Variants in AVEN observed in about 807,000 individuals in gnomAD.
AVEN encodes the protein apoptosis and caspase activation inhibitor.
Under a neutral mutation model 38.1 loss-of-function variants are expected in AVEN, and 41 were observed. That is an observed-to-expected ratio of 1.08 (90% CI 0.84 to 1.40). The LOEUF is 1.40. AVEN is among the 40% of genes most tolerant of loss of function. The pLI is 0.00. For missense variants in AVEN, 605 were observed against 438.8 expected, an observed-to-expected ratio of 1.38 and a Z score of -3.38; for synonymous variants, 206 against 171.8, an observed-to-expected ratio of 1.20 and a Z score of -1.56.
downstream of AVEN, among the ~76,000 whole-genome samples, chr15:33,863,175 C>G (rs1042465037): frequency 2.0e-5 from 3 of 152,064 alleles, no homozygotes; most frequent in Non-Finnish European, 4.4e-5. Flanking sequence ...GGGAAAGAAC[C>G]CAATTTTATT....
At chr15:33,885,504 G>C (rs553204873) in intron 2 of AVEN, 108 of 152,328 alleles carry the variant, frequency 7.1e-4, no homozygotes, top group African/African-American at 2.5e-3. Flanking sequence ...TTGTGAGGAA[G>C]ACTATGCAAG....
intron 2 of AVEN, among the ~76,000 whole-genome samples, chr15:33,888,391 G>A (rs1891792019): frequency 6.6e-6 from 1 of 152,110 alleles, no homozygotes; most frequent in Non-Finnish European, 1.5e-5. Context: ...AGTGACACCT[G>A]ATCCGACGGA....
intron 2 of AVEN, among the ~76,000 whole-genome samples, chr15:33,934,143 G>A (rs1385352875): frequency 6.6e-6 from 1 of 151,810 alleles, no homozygotes; most frequent in African/African-American, 2.4e-5. Flanking sequence ...GGAAGTCAAG[G>A]CAGGAGGATG....
At chr15:33,982,095 G>A (rs1324487947) in intron 2 of AVEN, among the ~76,000 whole-genome samples, 1 of 151,586 alleles carries the variant, frequency 6.6e-6, no homozygotes, top group African/African-American at 2.4e-5. Flanking sequence ...TTGAACTCCT[G>A]ACCTCAGATG....
At chr15:33,935,502 A>G (rs912289159) in intron 2 of AVEN, among the ~76,000 whole-genome samples, 3 of 151,982 alleles carry the variant, frequency 2.0e-5, no homozygotes, top group African/African-American at 7.3e-5. Flanking sequence ...ATATATGTAT[A>G]TATGTGTGTG....
intron 2 of AVEN, among the ~76,000 whole-genome samples, chr15:33,914,174 G>A (rs1893028631): frequency 6.6e-6 from 1 of 151,008 alleles, no homozygotes; most frequent in South Asian, 2.1e-4. Context: ...CCCCCCAATA[G>A]CTATGAGCTC....
At chr15:33,949,589 G>C (rs1894653954) in intron 2 of AVEN, among the ~76,000 whole-genome samples, 1 of 152,140 alleles carries the variant, frequency 6.6e-6, no homozygotes, top group South Asian at 2.1e-4. Context: ...GGAAGGGGAA[G>C]TGACTGCAAA....
At chr15:33,877,223 C>G (rs1891274429) in intron 2 of AVEN, among the ~76,000 whole-genome samples, 1 of 152,090 alleles carries the variant, frequency 6.6e-6, no homozygotes, top group Non-Finnish European at 1.5e-5. Context: ...AAGAAACAAA[C>G]ACACCAATCT....
At chr15:34,072,555 A>C (rs1476921810) in intron 1 of AVEN, among the ~76,000 whole-genome samples, 1 of 148,104 alleles carries the variant, frequency 6.8e-6, no homozygotes, top group East Asian at 2.0e-4. Context: ...GGTTGCAGTG[A>C]GTCAAGATCT....
intron 2 of AVEN, among the ~76,000 whole-genome samples, chr15:33,966,233 A>G (rs1186991646): frequency 6.6e-6 from 1 of 152,180 alleles, no homozygotes; most frequent in Non-Finnish European, 1.5e-5. Context: ...ATTATAAATG[A>G]CTGAGAAAAA....
chr15:33,982,544 A>G lies in AVEN; in HGVS notation c.445+20488T>C, dbSNP rs544498595. ...GTCAAATTCAATTTGATTGACTGCT[A>G]TTAACTCAGCACTGCCAAATCTTGA... On this transcript the variant is annotated intron_variant, in intron 2 of 5. Transcript: ENST00000306730. Among the ~76,000 whole-genome samples the G allele has an allele frequency of 2.6e-5, 4 of 152,370 alleles. No individual in the cohort carries two copies. The East Asian group carries it at 5.8e-4, about 22-fold the overall frequency.
downstream of AVEN, among the ~76,000 whole-genome samples, chr15:33,855,710 T>C (rs2079583170): frequency 6.6e-6 from 1 of 152,042 alleles, no homozygotes; most frequent in South Asian, 2.1e-4. Flanking sequence ...GTTATACACA[T>C]AGTACACATT....
chr15:33,867,628 G>A lies in AVEN; in HGVS notation c.840C>T (p.Asp280=). ...ACAGATCTAGTTCTTCTTCCAAATG[G>A]TCTCCTGCTGACTGCAGTGGGGAAG... ...KPTSPLQSAG[D]HLEEELDLLL... Residue 280 remains aspartate, a synonymous_variant, in exon 5 of 6, where the codon GAC becomes GAT. Transcript: ENST00000306730. 6.2e-7 allele frequency: 1 copy of A among 1,614,106 alleles called. No individual in the cohort carries two copies. The highest frequency in any genetic ancestry group is 8.5e-7 in the Non-Finnish European group (1 of 1,180,024).
chr15:33,976,490 C>G (rs1174220807), intron 2 of AVEN, among the ~76,000 whole-genome samples: 1 of 152,146 alleles, frequency 6.6e-6, no homozygotes, highest in Non-Finnish European at 1.5e-5. Context: ...TTCTGCCATG[C>G]CCGCATCAGA....
At chr15:33,965,017 G>A (rs983663163) in intron 2 of AVEN, among the ~76,000 whole-genome samples, 1 of 152,148 alleles carries the variant, frequency 6.6e-6, no homozygotes, top group Non-Finnish European at 1.5e-5. Flanking sequence ...ACTTGAACAA[G>A]TTACTTAACC....
At chr15:33,872,906 G>C (rs1355651667) in intron 3 of AVEN, among the ~76,000 whole-genome samples, 4 of 151,780 alleles carry the variant, frequency 2.6e-5, no homozygotes, top group Non-Finnish European at 5.9e-5. Context: ...CTAGATCAGA[G>C]CACCCTGACC....
At chr15:33,857,715 C>G, downstream of AVEN, 1 of 1,598,070 alleles carries the variant, frequency 6.3e-7, no homozygotes, top group South Asian at 1.1e-5. Flanking sequence ...CTTAGAGTCT[C>G]CTGTGAACCT....
chr15:33,968,239 T>A (rs1398504162), intron 2 of AVEN, among the ~76,000 whole-genome samples: 1 of 151,616 alleles, frequency 6.6e-6, no homozygotes, highest in Non-Finnish European at 1.5e-5. Context: ...ATACGTCACT[T>A]AACTGTCTGT....
chr15:33,853,430 A>G, the AVEN span: 1 of 1,228,422 alleles, frequency 8.1e-7, no homozygotes, highest in Non-Finnish European at 1.1e-6. Flanking sequence ...CTGCATTTTG[A>G]ACTATGTCTT....
Sources: gnomAD v4.1 joint callset for allele counts (sites outside exome capture counted in the v4.1 genomes callset) on GRCh38, gnomAD v4.1.1 for gene constraint, MANE v1.5 for transcripts, NCBI Gene and HGNC (gene_info 2026-07-23, HGNC 2026-07-21) for gene names.